The following OSBPL2 variants were observed in gnomAD, a reference collection of about 807,000 sequenced individuals.
OSBPL2 encodes oxysterol binding protein like 2.
In OSBPL2, 18 loss-of-function variants were observed where a neutral mutation model predicts 58.4. The observed-to-expected ratio is 0.31, with a 90% CI of 0.21 to 0.46. The LOEUF is 0.46. Among genes scored for constraint, OSBPL2 ranks in the 20% least tolerant of loss-of-function variants. The pLI is 1.00. For synonymous variants in OSBPL2, 221 were observed against 234.1 expected (o/e 0.94, Z 0.51); for missense variants, 461 against 616.5 (o/e 0.75, Z 2.67).
At chr20:62,261,871 G>T (rs1348815935) in intron 3 of OSBPL2, among the ~76,000 whole-genome samples, 2 of 152,268 alleles carry the variant, frequency 1.3e-5, no homozygotes, top group East Asian at 3.9e-4. Context: ...TGATTCTCTT[G>T]CCTCAGCCTC....
At chr20:62,271,827 T>G in intron 4 of OSBPL2, 1 of 311,734 alleles carries the variant, frequency 3.2e-6, no homozygotes. Flanking sequence ...CAAGAGCCCT[T>G]GTGGCAGTCT....
chr20:62,288,167 A>G lies in OSBPL2; in HGVS notation c.1126-1040A>G, dbSNP rs1258799896. Among the ~76,000 whole-genome samples, 1 of 152,104 alleles carries G rather than the reference A, an allele frequency of 6.6e-6. No homozygotes were observed. The highest frequency in any genetic ancestry group is 2.4e-5 in the African/African-American group (1 of 41,406). On this transcript the variant is annotated intron_variant, in intron 11 of 13. Transcript: ENST00000313733. This position sits in a 1 kb window ranked among gnomAD's most constrained non-coding sequence, Gnocchi z 4.8. ...GAGGGGGTGCAGGGGTCTCCAGACG[A>G]CTTCAGTATTTGCTGTGAGTGACAT... is the stretch of plus-strand genomic sequence containing the variant.
chr20:62,275,592 C>T (rs1027276739), intron 6 of OSBPL2, among the ~76,000 whole-genome samples: 1 of 152,052 alleles, frequency 6.6e-6, no homozygotes, highest in East Asian at 1.9e-4. Context: ...GAACTACAGG[C>T]GTGCGCCACC....
At chr20:62,277,810 A>C (rs182642447) in intron 6 of OSBPL2, among the ~76,000 whole-genome samples, 2 of 152,306 alleles carry the variant, frequency 1.3e-5, no homozygotes, top group East Asian at 3.9e-4. Context: ...GTGTATTCAC[A>C]GTTCCGGAAC....
intron 3 of OSBPL2, 75 bp downstream of exon 3, chr20:62,260,200 A>T: frequency 1.4e-6 from 2 of 1,413,708 alleles, no homozygotes; most frequent in Non-Finnish European, 2.0e-6. Context: ...GGTACCCCTC[A>T]GCCCTCACGA....
At chr20:62,250,532 C>A (rs117707920) in intron 1 of OSBPL2, among the ~76,000 whole-genome samples, 1 of 152,322 alleles carries the variant, frequency 6.6e-6, no homozygotes, top group East Asian at 1.9e-4. Flanking sequence ...AAGCTTGTGT[C>A]TGGCATCTTA....
intron 10 of OSBPL2, chr20:62,284,840 TAATA>T (rs1983012279): frequency 1.3e-5 from 2 of 152,386 alleles, no homozygotes; most frequent in Admixed American, 1.3e-4. Context: ...GGGTCCTTCT[TAATA>T]AATCTTCTCG....
intron 13 of OSBPL2, among the ~76,000 whole-genome samples, chr20:62,292,535 A>G (rs4925370): frequency 0.37 from 56,289 of 152,218 alleles, 12,237 homozygotes; most frequent in East Asian, 0.52. Context: ...AGTTTGTTCT[A>G]TAATAGTCAT....
Position 62,281,148 on chromosome 20 carries a change from G to A in OSBPL2, c.765G>A (p.Val255=). 7 of 1,611,562 alleles carry A rather than the reference G, an allele frequency of 4.3e-6. No individual in the cohort carries two copies. Among genetic ancestry groups the A allele is most frequent in the Non-Finnish European group, 5.9e-6 (7 of 1,177,820 alleles). ...GKLWIEQYGT[V]EILNHRTGHK... ...TGTGGATAGAGCAGTATGGGACAGT[G>A]GAGATTTTAAACCACAGGTGACAGC... Residue 255 remains valine (V), a synonymous_variant, in exon 8 of 14, where the codon GTG becomes GTA. Transcript: ENST00000313733.
chr20:62,269,613 G>C lies in OSBPL2; in HGVS notation c.259-2512G>C, dbSNP rs775331375. On this transcript the variant is annotated intron_variant, in intron 4 of 13. Transcript: ENST00000313733. This position sits in a 1 kb window ranked among gnomAD's most constrained non-coding sequence, Gnocchi z 4.2. ...GCCTCCCTGGTCCCAATCTCTGGCC[G>C]CTGTGGACTGTGGCCTCTTCTAGTT... is the stretch of plus-strand genomic sequence containing the variant. Among the ~76,000 whole-genome samples, 1 of 152,208 alleles carries C rather than the reference G, an allele frequency of 6.6e-6. No homozygotes were observed. Among genetic ancestry groups the C allele is most frequent in the African/African-American group, 2.4e-5 (1 of 41,444 alleles).
intron 4 of OSBPL2, 58 bp downstream of exon 4, chr20:62,263,749 A>G: frequency 1.4e-6 from 2 of 1,452,460 alleles, no homozygotes; most frequent in Non-Finnish European, 1.9e-6. Context: ...CTGGGAAGGT[A>G]TTGCAGTGCT....
chr20:62,246,492 C>T (rs751284539), intron 1 of OSBPL2, among the ~76,000 whole-genome samples: 22 of 152,174 alleles, frequency 1.4e-4, no homozygotes, highest in Non-Finnish European at 2.8e-4. Flanking sequence ...TGGTGGCCAG[C>T]TGGGTGTCAG....
chr20:62,263,522 A>G, intron 3 of OSBPL2, 94 bp from the exon 4 acceptor site: 1 of 1,019,506 alleles, frequency 9.8e-7, no homozygotes, highest in Non-Finnish European at 1.5e-6. Context: ...TTAGGAGTAA[A>G]AATTAAAGAG....
chr20:62,279,142 T>C lies in OSBPL2; in HGVS notation c.492-15T>C, dbSNP rs1269539439. The stretch of plus-strand genomic sequence containing the variant: ...CTGCCATTAATGTGTCTCTCTTTTT[T>C]ATTCTTTGACCTAGGGAAGATTTAG... On this transcript the variant is annotated splice_polypyrimidine_tract_variant and intron_variant, in intron 6 of 13. Coordinates refer to ENST00000313733, the MANE Select transcript of OSBPL2 (RefSeq NM_144498.4). 7 of 1,596,622 alleles carry C rather than the reference T, an allele frequency of 4.4e-6. No homozygotes were observed. The African/African-American group carries it at 6.7e-5, about 15-fold the overall frequency.
Position 62,295,811 on chromosome 20 carries a change from G to C in OSBPL2, c.*1924G>C, listed in dbSNP as rs1983828224. 6.6e-6 allele frequency: 1 copy of C among 152,212 alleles called. No individual in the cohort carries two copies. Among genetic ancestry groups the C allele is most frequent in the Admixed American group, 6.5e-5 (1 of 15,282 alleles). 9.4% of individuals were successfully genotyped at this position (152,212 alleles called of 1,614,324 possible). The stretch of plus-strand genomic sequence containing the variant: ...TCCAGAGGTGAGACTCAGACACATT[G>C]AAAGTGACTGCATTTAGGGAGGTTT... On this transcript the variant is annotated 3_prime_UTR_variant, in exon 14 of 14. Coordinates refer to ENST00000313733, the MANE Select transcript of OSBPL2 (RefSeq NM_144498.4). This position sits in a 1 kb window ranked among gnomAD's most constrained non-coding sequence, Gnocchi z 4.8.
chr20:62,261,700 G>C (rs1006441912), intron 3 of OSBPL2, among the ~76,000 whole-genome samples: 2 of 152,182 alleles, frequency 1.3e-5, no homozygotes, highest in African/African-American at 4.8e-5. Context: ...AACCACCCTT[G>C]TTTCCAGAGT....
intron 1 of OSBPL2, among the ~76,000 whole-genome samples, chr20:62,250,624 T>C (rs1980461018): frequency 6.6e-6 from 1 of 152,118 alleles, no homozygotes; most frequent in South Asian, 2.1e-4. Context: ...GGGAGCATTT[T>C]AAAAAAGGCT....
intron 4 of OSBPL2, among the ~76,000 whole-genome samples, chr20:62,266,304 C>T (rs1459660601): frequency 6.6e-6 from 1 of 152,170 alleles, no homozygotes; most frequent in Non-Finnish European, 1.5e-5. Flanking sequence ...CAGCTCCACC[C>T]CTTACACTTC....
intron 4 of OSBPL2, among the ~76,000 whole-genome samples, chr20:62,267,908 A>C (rs1183098476): frequency 6.6e-6 from 1 of 151,774 alleles, no homozygotes; most frequent in Non-Finnish European, 1.5e-5. Context: ...TTTTTGAGGG[A>C]GTCTCGCTCT....
Sources: gnomAD v4.1 joint callset for allele counts (sites outside exome capture counted in the v4.1 genomes callset) on GRCh38, gnomAD v4.1.1 for gene constraint, Gnocchi (gnomAD v3.1) non-coding constraint, MANE v1.5 for transcripts, NCBI Gene and HGNC (gene_info 2026-07-23, HGNC 2026-07-21) for gene names.